Variants in SLC35D4 observed in about 807,000 individuals in gnomAD.
SLC35D4 encodes UDP-N-acetylglucosamine transporter SLC35D4.
chr18:23,286,794 A>G, the SLC35D4 span, among the ~76,000 whole-genome samples: 1 of 151,632 alleles, frequency 6.6e-6, no homozygotes, highest in African/African-American at 2.4e-5. Flanking sequence ...AGTTATCCCC[A>G]CCTGCCCAGT....
At chr18:23,385,857 C>T in the SLC35D4 span, among the ~76,000 whole-genome samples, 11 of 151,982 alleles carry the variant, frequency 7.2e-5, no homozygotes, top group Admixed American at 2.0e-4. Context: ...TAAGGCCGGG[C>T]GTGGTGGCTC....
chr18:23,336,946 CT>C, the SLC35D4 span, among the ~76,000 whole-genome samples: 1 of 151,916 alleles, frequency 6.6e-6, no homozygotes, highest in African/African-American at 2.4e-5. Flanking sequence ...TAGACTTGAC[CT>C]AGTGAGAGCA....
chr18:23,297,402 CA>C, the SLC35D4 span: 2 of 152,106 alleles, frequency 1.3e-5, no homozygotes, highest in Non-Finnish European at 2.9e-5. Context: ...TGGTGCACAT[CA>C]GCTACTGTGG....
chr18:23,408,197 G>A, the SLC35D4 span, among the ~76,000 whole-genome samples: 1 of 150,794 alleles, frequency 6.6e-6, no homozygotes, highest in African/African-American at 2.4e-5. Context: ...CCTCTTACCT[G>A]GCTATATTCT....
At chr18:23,287,556 T>C in the SLC35D4 span, among the ~76,000 whole-genome samples, 1 of 152,188 alleles carries the variant, frequency 6.6e-6, no homozygotes. Context: ...CCCCAATCCC[T>C]TCCAAAACAA....
At chr18:23,396,018 A>G in the SLC35D4 span, among the ~76,000 whole-genome samples, 20 of 152,280 alleles carry the variant, frequency 1.3e-4, no homozygotes, top group Non-Finnish European at 2.5e-4. Flanking sequence ...ATTTGTCTTT[A>G]TGCCCCCAAC....
At chr18:23,307,741 G>C in the SLC35D4 span, among the ~76,000 whole-genome samples, 1 of 152,202 alleles carries the variant, frequency 6.6e-6, no homozygotes. Context: ...CGGGCTCTGA[G>C]GGCTATGGGG....
chr18:23,317,170 CA>C, the SLC35D4 span, among the ~76,000 whole-genome samples: 39 of 151,994 alleles, frequency 2.6e-4, 1 homozygote, highest in South Asian at 3.5e-3. Context: ...CACACACACA[CA>C]CACACACACA....
At chr18:23,378,169 C>T in the SLC35D4 span, among the ~76,000 whole-genome samples, 1 of 151,950 alleles carries the variant, frequency 6.6e-6, no homozygotes, top group Middle Eastern at 3.4e-3. Context: ...CAGGCATGAG[C>T]CACCATGTAT....
At chr18:23,367,165 G>T in the SLC35D4 span, among the ~76,000 whole-genome samples, 1 of 151,916 alleles carries the variant, frequency 6.6e-6, no homozygotes, top group Non-Finnish European at 1.5e-5. Context: ...CGCCCCAAAG[G>T]GTAACCTCAA....
chr18:23,322,316 T>G, the SLC35D4 span, among the ~76,000 whole-genome samples: 4 of 152,242 alleles, frequency 2.6e-5, no homozygotes, highest in African/African-American at 9.6e-5. Context: ...TGTTTTTGAT[T>G]TAACTCAACT....
the SLC35D4 span, among the ~76,000 whole-genome samples, chr18:23,429,860 T>A: frequency 6.6e-6 from 1 of 152,202 alleles, no homozygotes; most frequent in Non-Finnish European, 1.5e-5. Context: ...ATTATTTAGT[T>A]TTTTTCTTGT....
the SLC35D4 span, among the ~76,000 whole-genome samples, chr18:23,310,931 C>G: frequency 6.6e-6 from 1 of 152,042 alleles, no homozygotes; most frequent in Non-Finnish European, 1.5e-5. Flanking sequence ...TGGGTATTGT[C>G]CTCAGGGGCA....
At chr18:23,244,162 G>A in the SLC35D4 span, among the ~76,000 whole-genome samples, 1 of 152,160 alleles carries the variant, frequency 6.6e-6, no homozygotes, top group Non-Finnish European at 1.5e-5. Flanking sequence ...TCTGGGTGTG[G>A]GTGATCTCAG....
the SLC35D4 span, among the ~76,000 whole-genome samples, chr18:23,396,825 G>A: frequency 6.6e-6 from 1 of 151,866 alleles, no homozygotes; most frequent in Admixed American, 6.6e-5. Context: ...GCAAGAGAAT[G>A]TAAAATCAAT....
At chr18:23,418,743 C>T in the SLC35D4 span, among the ~76,000 whole-genome samples, 1 of 151,734 alleles carries the variant, frequency 6.6e-6, no homozygotes, top group Non-Finnish European at 1.5e-5. Flanking sequence ...TACGGTGGCT[C>T]AAGCCTGTAA....
At chr18:23,345,792 A>C in the SLC35D4 span, among the ~76,000 whole-genome samples, 2 of 152,106 alleles carry the variant, frequency 1.3e-5, no homozygotes, top group East Asian at 1.9e-4. Context: ...CCATCTTAAC[A>C]ATATTGTATT....
At chr18:23,372,421 A>G in the SLC35D4 span, among the ~76,000 whole-genome samples, 5 of 152,144 alleles carry the variant, frequency 3.3e-5, no homozygotes, top group Non-Finnish European at 5.9e-5. Context: ...ACTCCTCCTC[A>G]TTCTTCCAGA....
the SLC35D4 span, among the ~76,000 whole-genome samples, chr18:23,255,111 G>A: frequency 2.6e-4 from 40 of 152,294 alleles, 1 homozygote; most frequent in East Asian, 4.6e-3. Context: ...GATAAGGGCA[G>A]GTGGATAGTG....
Sources: allele counts gnomAD v4.1 joint callset (sites outside exome capture counted in the v4.1 genomes callset), GRCh38; gene constraint gnomAD v4.1.1; transcripts MANE v1.5; gene names NCBI Gene and HGNC (gene_info 2026-07-23, HGNC 2026-07-21).